The following SOX6 variants were observed in gnomAD, a reference collection of about 807,000 sequenced individuals.
SOX6 encodes the protein transcription factor SOX-6.
In SOX6, 11 loss-of-function variants were observed where a neutral mutation model predicts 97.8. The ratio of observed to expected loss-of-function variants is 0.11; its 90% CI spans 0.07 to 0.19. The LOEUF (loss-of-function observed/expected upper bound fraction) is 0.19. SOX6 is among the 10% of genes least tolerant of loss of function. The probability of loss-of-function intolerance (pLI) is 1.00; values close to 1 mark genes in which losing one functional copy is unlikely to be tolerated. For missense variants in SOX6, 810 were observed against 1,039.5 expected (o/e 0.78, Z 3.04); for synonymous variants, 360 against 371.4 (o/e 0.97, Z 0.35).
intron 1 of SOX6, among the ~76,000 whole-genome samples, chr11:16,349,347 T>C (rs959557596): frequency 2.6e-5 from 4 of 152,120 alleles, no homozygotes; most frequent in African/African-American, 9.7e-5. Flanking sequence ...CCTGCTGAGG[T>C]GGCTCATGCC....
chr11:16,500,155 C>T (rs1476666467), intron 4 of SOX6, among the ~76,000 whole-genome samples: 2 of 152,190 alleles, frequency 1.3e-5, no homozygotes, highest in African/African-American at 2.4e-5. Context: ...GCTGGTTCAA[C>T]ATGCGCAAAT....
At chr11:16,402,107 G>A (rs1304920892) in intron 1 of SOX6, among the ~76,000 whole-genome samples, 1 of 151,318 alleles carries the variant, frequency 6.6e-6, no homozygotes, top group African/African-American at 2.4e-5. Flanking sequence ...ATTTGGTTTT[G>A]AGGGAAAACA....
chr11:16,283,034 T>C (rs1406335979), intron 3 of SOX6, among the ~76,000 whole-genome samples: 1 of 143,466 alleles, frequency 7.0e-6, no homozygotes, highest in African/African-American at 2.5e-5. Context: ...TATATATATA[T>C]ATATATATGT....
At chr11:15,998,926 C>G (rs184979446) in intron 13 of SOX6, among the ~76,000 whole-genome samples, 2 of 151,936 alleles carry the variant, frequency 1.3e-5, no homozygotes, top group African/African-American at 4.8e-5. Flanking sequence ...TTAAACTGAA[C>G]TTTATAAAAA....
chr11:16,360,389 G>A (rs1362132477), upstream of SOX6, among the ~76,000 whole-genome samples: 1 of 152,108 alleles, frequency 6.6e-6, no homozygotes, highest in African/African-American at 2.4e-5. Flanking sequence ...TCTTCCAGAA[G>A]CCTGTCCACA....
At chr11:16,472,833 T>G (rs1334503682) in intron 1 of SOX6, among the ~76,000 whole-genome samples, 2 of 152,090 alleles carry the variant, frequency 1.3e-5, no homozygotes, top group Admixed American at 1.3e-4. Context: ...CCTAGAAGTA[T>G]ATTCTTTAAA....
At chr11:16,363,982 C>T (rs572549582) in intron 1 of SOX6, among the ~76,000 whole-genome samples, 1 of 152,220 alleles carries the variant, frequency 6.6e-6, no homozygotes, top group East Asian at 1.9e-4. Context: ...ACCACACTGT[C>T]CATTCTAACT....
intron 1 of SOX6, among the ~76,000 whole-genome samples, chr11:16,414,198 G>A (rs937362993): frequency 1.3e-5 from 2 of 152,196 alleles, no homozygotes; most frequent in Non-Finnish European, 2.9e-5. Context: ...TGAGAGTGAT[G>A]TGCCAATTCC....
At chr11:16,092,575 A>G (rs984052769) in intron 9 of SOX6, among the ~76,000 whole-genome samples, 6 of 151,988 alleles carry the variant, frequency 3.9e-5, no homozygotes, top group African/African-American at 1.4e-4. Flanking sequence ...TACATTACCA[A>G]TATGCTGACA....
intron 1 of SOX6, among the ~76,000 whole-genome samples, chr11:16,425,328 C>A (rs905215075): frequency 2.0e-5 from 3 of 152,156 alleles, no homozygotes; most frequent in Admixed American, 6.5e-5. Flanking sequence ...ATTCATTCAG[C>A]AAATATTTAG....
At chr11:16,636,553 G>T (rs978493202) in intron 3 of SOX6, among the ~76,000 whole-genome samples, 1 of 152,112 alleles carries the variant, frequency 6.6e-6, no homozygotes, top group Non-Finnish European at 1.5e-5. Context: ...AGATTTTGGG[G>T]GACTGTTGGG....
At chr11:16,552,352 C>T (rs1847698682) in intron 4 of SOX6, among the ~76,000 whole-genome samples, 1 of 152,248 alleles carries the variant, frequency 6.6e-6, no homozygotes, top group African/African-American at 2.4e-5. Context: ...GCAAATTCTC[C>T]AGACTGAAAG....
chr11:16,163,403 G>C (rs1015587000), intron 6 of SOX6, among the ~76,000 whole-genome samples: 3 of 152,034 alleles, frequency 2.0e-5, no homozygotes, highest in Non-Finnish European at 4.4e-5. Context: ...TTATTTAAAG[G>C]GATAACAAAA....
intron 8 of SOX6, among the ~76,000 whole-genome samples, chr11:16,096,902 T>C (rs952643504): frequency 3.3e-5 from 5 of 151,844 alleles, no homozygotes; most frequent in African/African-American, 9.7e-5. Context: ...AATACAAATA[T>C]ACATTCATAT....
chr11:16,441,168 C>T (rs1017948382), intron 1 of SOX6, among the ~76,000 whole-genome samples: 1 of 152,114 alleles, frequency 6.6e-6, no homozygotes, highest in African/African-American at 2.4e-5. Flanking sequence ...TCTTTTCCTT[C>T]CACCTCAGTT....
intron 4 of SOX6, among the ~76,000 whole-genome samples, chr11:16,221,326 C>A (rs1445988045): frequency 1.3e-5 from 2 of 151,994 alleles, no homozygotes; most frequent in East Asian, 3.9e-4. Flanking sequence ...AACAAAAAAA[C>A]TAATGTCACT....
At chr11:16,572,050 T>C (rs1432604880) in intron 4 of SOX6, among the ~76,000 whole-genome samples, 3 of 152,210 alleles carry the variant, frequency 2.0e-5, no homozygotes, top group Non-Finnish European at 4.4e-5. Context: ...AACGCACGAA[T>C]ACCTATAAAT....
intron 4 of SOX6, among the ~76,000 whole-genome samples, chr11:16,537,242 G>A (rs1357078647): frequency 6.6e-6 from 1 of 152,224 alleles, no homozygotes; most frequent in African/African-American, 2.4e-5. Flanking sequence ...GGGCCTGTTA[G>A]AAGGAAAAGT....
chr11:16,079,947 C>CTT (rs1372184665), intron 9 of SOX6, among the ~76,000 whole-genome samples: 1 of 151,916 alleles, frequency 6.6e-6, no homozygotes, highest in African/African-American at 2.4e-5. Context: ...AATAAGCATA[C>CTT]AATGTGCTTT....
Sources: allele counts gnomAD v4.1 joint callset (sites outside exome capture counted in the v4.1 genomes callset), GRCh38; gene constraint gnomAD v4.1.1; transcripts MANE v1.5; gene names NCBI Gene and HGNC (gene_info 2026-07-23, HGNC 2026-07-21).